The following PDLIM5 variants were observed in gnomAD, a reference collection of about 807,000 sequenced individuals.
PDLIM5 encodes PDZ and LIM domain protein 5.
PDLIM5 carries 34 observed loss-of-function variants against 64.2 expected under a neutral mutation model. The ratio of observed to expected loss-of-function variants is 0.53; its 90% confidence interval spans 0.40 to 0.71. The LOEUF is 0.71. PDLIM5 is among the 30% of genes least tolerant of loss of function. PDLIM5 has a pLI of 0.00. For missense variants in PDLIM5, 683 were observed against 733.6 expected, an observed-to-expected ratio of 0.93 and a Z score of 0.80; for synonymous variants, 253 against 269.1, an observed-to-expected ratio of 0.94 and a Z score of 0.59.
At chr4:94,661,349 C>T (rs534704256) in intron 11 of PDLIM5, among the ~76,000 whole-genome samples, 2 of 152,102 alleles carry the variant, frequency 1.3e-5, no homozygotes, top group East Asian at 3.9e-4. Context: ...ACTATGATCA[C>T]ACCACTACAC....
intron 2 of PDLIM5, among the ~76,000 whole-genome samples, chr4:94,511,070 C>T (rs935654298): frequency 6.6e-5 from 10 of 152,086 alleles, no homozygotes; most frequent in Non-Finnish European, 1.3e-4. Flanking sequence ...TTGATCTAAC[C>T]ATCTTGTACA....
chr4:94,590,977 T>A (rs1006194737), intron 7 of PDLIM5, among the ~76,000 whole-genome samples: 6 of 152,332 alleles, frequency 3.9e-5, no homozygotes, highest in African/African-American at 1.4e-4. Context: ...ATATTTTTCC[T>A]GTTGAGACCC....
At chr4:94,655,908 G>A (rs1349232159) in intron 10 of PDLIM5, among the ~76,000 whole-genome samples, 11 of 152,114 alleles carry the variant, frequency 7.2e-5, no homozygotes, top group Non-Finnish European at 1.3e-4. Flanking sequence ...TGGAAGCCTT[G>A]GGAGATAGTT....
intron 7 of PDLIM5, chr4:94,587,007 C>A: frequency 6.3e-7 from 1 of 1,576,072 alleles, no homozygotes; most frequent in Non-Finnish European, 8.6e-7. Flanking sequence ...TACCCCTTCA[C>A]GTCTTTAGTC....
chr4:94,660,821 A>G (rs1040268664), intron 11 of PDLIM5, among the ~76,000 whole-genome samples: 4 of 152,214 alleles, frequency 2.6e-5, no homozygotes, highest in African/African-American at 9.6e-5. Context: ...CCAAAGGGTG[A>G]ACCATGAGTC....
chr4:94,547,318 C>T (rs1310610177), intron 3 of PDLIM5, among the ~76,000 whole-genome samples: 1 of 152,068 alleles, frequency 6.6e-6, no homozygotes, highest in Non-Finnish European at 1.5e-5. Flanking sequence ...TGGGGAGAAT[C>T]ATTTCTCTTG....
intron 3 of PDLIM5, among the ~76,000 whole-genome samples, chr4:94,548,143 T>G (rs1732485574): frequency 6.6e-6 from 1 of 152,174 alleles, no homozygotes; most frequent in Non-Finnish European, 1.5e-5. Flanking sequence ...TCACACTTTT[T>G]TGTGTGTGCT....
At chr4:94,511,313 A>T (rs925817720) in intron 2 of PDLIM5, among the ~76,000 whole-genome samples, 3 of 151,346 alleles carry the variant, frequency 2.0e-5, no homozygotes, top group African/African-American at 7.3e-5. Context: ...CCTTTTTATT[A>T]TTTTTTTTTA....
chr4:94,456,048 T>G, intron 2 of PDLIM5: 1 of 1,302,006 alleles, frequency 7.7e-7, no homozygotes, highest in African/African-American at 1.5e-5. Flanking sequence ...AAAGCTTCTA[T>G]TTATTGAGAC....
intron 3 of PDLIM5, among the ~76,000 whole-genome samples, chr4:94,534,386 A>T (rs1731143692): frequency 6.6e-6 from 1 of 152,204 alleles, no homozygotes; most frequent in African/African-American, 2.4e-5. Flanking sequence ...TGAGGTTTAA[A>T]ATTTCATAAT....
chr4:94,455,431 A>C, intron 2 of PDLIM5, 47 bp downstream of exon 2: 1 of 1,154,430 alleles, frequency 8.7e-7, no homozygotes, highest in South Asian at 1.3e-5. Context: ...TTCAGTGCTT[A>C]GTCCTCGGGC....
In PDLIM5 at chr4:94,661,690, C is replaced by T. The variant is rs182216246; in HGVS notation, c.1586-732C>T. On this transcript the variant is annotated intron_variant, in intron 11 of 12. Coordinates refer to ENST00000317968, the MANE Select transcript of PDLIM5 (RefSeq NM_006457.5). ...TTTTCTTCCTTGACCAAGTCAGATA[C>T]GCTATGAAATTTGCCAATATCAGAT... Among the ~76,000 whole-genome samples, 19 of 152,242 alleles carry T rather than the reference C, an allele frequency of 1.2e-4. No individual in the cohort carries two copies. The East Asian group carries it at 1.9e-3, about 15-fold the overall frequency.
intron 11 of PDLIM5, among the ~76,000 whole-genome samples, chr4:94,660,988 G>T (rs1742659420): frequency 6.6e-6 from 1 of 152,156 alleles, no homozygotes; most frequent in African/African-American, 2.4e-5. Flanking sequence ...GGAGACTGAG[G>T]CAGGACAATC....
chr4:94,476,401 A>G (rs572360495), intron 2 of PDLIM5, among the ~76,000 whole-genome samples: 1 of 152,264 alleles, frequency 6.6e-6, no homozygotes, highest in African/African-American at 2.4e-5. Flanking sequence ...AAGAAAATAT[A>G]AATTTACATT....
chr4:94,551,552 C>A (rs1732807539), intron 3 of PDLIM5, among the ~76,000 whole-genome samples: 2 of 152,074 alleles, frequency 1.3e-5, no homozygotes, highest in African/African-American at 2.4e-5. Context: ...CACTTCATAG[C>A]CCATATTTTT....
intron 3 of PDLIM5, among the ~76,000 whole-genome samples, chr4:94,572,839 A>G (rs1311448664): frequency 6.6e-6 from 1 of 152,224 alleles, no homozygotes; most frequent in African/African-American, 2.4e-5. Context: ...ATAGGAATAC[A>G]GAATAAATAT....
Position 94,573,259 on chromosome 4 carries a change from CTATAT to C in PDLIM5, c.249-87_249-83del, listed in dbSNP as rs1197061887. 42 of 884,976 alleles carry C rather than the reference CTATAT, an allele frequency of 4.7e-5. 1 individual carries two copies. Among genetic ancestry groups the C allele is most frequent in the African/African-American group, 6.7e-5 (4 of 59,260 alleles). 54.8% of individuals were successfully genotyped at this position (884,976 alleles called of 1,614,324 possible). A position where few individuals can be genotyped will look rare whatever the true frequency, so the allele number is the denominator to read the frequency against. ...ATTCCAGTGATTCAGTATATTAAGG[CTATAT>C]TATAATAGTAAAAATTCCATTAAGA... is the stretch of plus-strand genomic sequence containing the variant. On this transcript the variant is annotated intron_variant, in intron 3 of 12. Transcript: ENST00000317968.
intron 7 of PDLIM5, among the ~76,000 whole-genome samples, chr4:94,595,305 A>T (rs1736985151): frequency 6.6e-6 from 1 of 152,238 alleles, no homozygotes; most frequent in Non-Finnish European, 1.5e-5. Context: ...ATTGTCAAAG[A>T]ATTAAAATGC....
At chr4:94,617,106 T>G (rs965016813) in intron 7 of PDLIM5, among the ~76,000 whole-genome samples, 5 of 152,240 alleles carry the variant, frequency 3.3e-5, no homozygotes, top group African/African-American at 1.2e-4. Flanking sequence ...TTTTAAGAAT[T>G]GTTATTATAC....
Sources: allele counts gnomAD v4.1 joint callset (sites outside exome capture counted in the v4.1 genomes callset), GRCh38; gene constraint gnomAD v4.1.1; transcripts MANE v1.5; gene names NCBI Gene and HGNC (gene_info 2026-07-23, HGNC 2026-07-21).